Variants in SNX29 observed in about 807,000 individuals in gnomAD.
SNX29 encodes sorting nexin-29.
Under a neutral mutation model 102.1 loss-of-function variants are expected in SNX29, and 78 were observed. That is an observed-to-expected ratio of 0.76 (90% CI 0.64 to 0.92). SNX29 has a LOEUF of 0.92. Ranked by LOEUF, SNX29 falls within the 40% of genes least tolerant of loss-of-function variation. SNX29 has a pLI of 0.00. For missense variants in SNX29, 1,280 were observed against 1,061.7 expected, an observed-to-expected ratio of 1.21 and a Z score of -2.86; for synonymous variants, 580 against 414.5, an observed-to-expected ratio of 1.40 and a Z score of -4.85.
intron 3 of SNX29, among the ~76,000 whole-genome samples, chr16:12,024,318 A>T (rs1028784326): frequency 2.0e-5 from 3 of 151,380 alleles, no homozygotes; most frequent in Non-Finnish European, 4.4e-5. Flanking sequence ...TTATATATAT[A>T]TTTTTTTAGT....
chr16:12,267,728 CT>C (rs1475151091), intron 14 of SNX29, among the ~76,000 whole-genome samples: 2 of 152,204 alleles, frequency 1.3e-5, no homozygotes, highest in Non-Finnish European at 2.9e-5. Context: ...GGCAAGTTAT[CT>C]TTTGGAGGGA....
chr16:12,486,940 A>G (rs911039006), intron 19 of SNX29, among the ~76,000 whole-genome samples: 1 of 152,190 alleles, frequency 6.6e-6, no homozygotes, highest in South Asian at 2.1e-4. Context: ...TTTCAATGTG[A>G]CTTTACCAAC....
intron 20 of SNX29, among the ~76,000 whole-genome samples, chr16:12,566,433 CCA>C (rs1453631485): frequency 7.0e-6 from 1 of 141,900 alleles, no homozygotes; most frequent in Non-Finnish European, 1.5e-5. Context: ...GCCTCTCCCC[CCA>C]AGCTCTGGTC....
intron 20 of SNX29, among the ~76,000 whole-genome samples, chr16:12,542,494 G>C (rs758228529): frequency 1.3e-5 from 2 of 152,272 alleles, no homozygotes; most frequent in Non-Finnish European, 2.9e-5. Context: ...ACCACACCTG[G>C]CTCATTTTTG....
intron 18 of SNX29, among the ~76,000 whole-genome samples, chr16:12,437,029 C>T (rs2085569622): frequency 6.6e-6 from 1 of 152,186 alleles, no homozygotes; most frequent in Non-Finnish European, 1.5e-5. Context: ...TCTCTGAATA[C>T]ATGAAAGGAA....
chr16:12,512,022 C>T (rs1334477849), intron 19 of SNX29, among the ~76,000 whole-genome samples: 1 of 151,816 alleles, frequency 6.6e-6, no homozygotes, highest in African/African-American at 2.4e-5. Context: ...ATGGATACAG[C>T]CGTGAGGAGG....
rs1164415131 is a variant in SNX29, at chr16:12,569,355, G to C, written c.*726G>C. 1 of 230,196 alleles carries C rather than the reference G, an allele frequency of 4.3e-6. No homozygotes were observed. The highest frequency in any genetic ancestry group is 2.2e-5 in the African/African-American group (1 of 45,152). 14.3% of individuals were successfully genotyped at this position (230,196 alleles called of 1,614,324 possible). A position where few individuals can be genotyped will look rare whatever the true frequency, so the allele number is the denominator to read the frequency against. ...CCTGAGGCCACCTAGGCCCTCGCCA[G>C]GCTTGGAGTGGGGGGACTCAGACAT... is the stretch of plus-strand genomic sequence containing the variant. On this transcript the variant is annotated 3_prime_UTR_variant, in exon 21 of 21. Coordinates refer to ENST00000566228, the MANE Select transcript of SNX29 (RefSeq NM_032167.5).
At chr16:12,036,580 T>C (rs1408629000) in intron 4 of SNX29, among the ~76,000 whole-genome samples, 2 of 152,126 alleles carry the variant, frequency 1.3e-5, no homozygotes, top group Admixed American at 1.3e-4. Flanking sequence ...GTGATCCACC[T>C]GCCTCGGCCT....
chr16:12,068,124 G>A (rs138567403), intron 9 of SNX29, among the ~76,000 whole-genome samples: 1 of 152,042 alleles, frequency 6.6e-6, no homozygotes, highest in Admixed American at 6.6e-5. Context: ...CATTATACCC[G>A]GTTTCTGGCC....
intron 20 of SNX29, among the ~76,000 whole-genome samples, chr16:12,545,789 C>G (rs1387993311): frequency 1.3e-5 from 2 of 152,078 alleles, no homozygotes; most frequent in Non-Finnish European, 2.9e-5. Context: ...CCTTTCACCA[C>G]TAGGCATACA....
intron 8 of SNX29, chr16:12,053,039 C>T (rs1240013531): frequency 1.3e-5 from 2 of 152,260 alleles, no homozygotes; most frequent in African/African-American, 2.4e-5. Context: ...ACCTGTAATC[C>T]CAGCACTTTG....
intron 14 of SNX29, among the ~76,000 whole-genome samples, chr16:12,221,971 C>T (rs1351989115): frequency 6.6e-6 from 1 of 152,222 alleles, no homozygotes; most frequent in Non-Finnish European, 1.5e-5. Context: ...GCTCTCCCTT[C>T]TCCCTGCCTT....
At chr16:12,094,780 T>A (rs1053690566) in intron 11 of SNX29, among the ~76,000 whole-genome samples, 8 of 151,758 alleles carry the variant, frequency 5.3e-5, no homozygotes, top group South Asian at 2.1e-4. Flanking sequence ...CATTATCTAG[T>A]CCCAAACGAC....
chr16:12,355,855 A>ATT (rs1567471789), intron 15 of SNX29, among the ~76,000 whole-genome samples: 15 of 122,820 alleles, frequency 1.2e-4, no homozygotes, highest in Admixed American at 3.0e-4. Context: ...AAAAAAAAAA[A>ATT]AAAAAAAAAA....
chr16:12,474,836 G>A (rs1407160078), intron 18 of SNX29, among the ~76,000 whole-genome samples: 1 of 152,120 alleles, frequency 6.6e-6, no homozygotes, highest in East Asian at 1.9e-4. Context: ...AAGGTGCTAG[G>A]GCCTGTAAAA....
At chr16:12,126,225 T>C (rs1225213867) in intron 11 of SNX29, among the ~76,000 whole-genome samples, 1 of 152,254 alleles carries the variant, frequency 6.6e-6, no homozygotes, top group Non-Finnish European at 1.5e-5. Context: ...CAAAGACTTG[T>C]AGTGATACTG....
At chr16:12,363,216 C>T (rs776176747) in intron 16 of SNX29, among the ~76,000 whole-genome samples, 11 of 152,210 alleles carry the variant, frequency 7.2e-5, no homozygotes, top group African/African-American at 1.2e-4. Context: ...CTGCTTTGGT[C>T]GTCATCTCAG....
intron 15 of SNX29, among the ~76,000 whole-genome samples, chr16:12,287,775 C>T (rs1399423505): frequency 1.3e-5 from 2 of 152,208 alleles, no homozygotes; most frequent in African/African-American, 2.4e-5. Flanking sequence ...TGGATCTCTT[C>T]AGTGTCTTTT....
intron 20 of SNX29, among the ~76,000 whole-genome samples, chr16:12,551,192 G>C (rs762360335): frequency 3.3e-5 from 5 of 152,012 alleles, no homozygotes; most frequent in Admixed American, 6.6e-5. Context: ...TCCCCACAGA[G>C]AGCCTTTAGG....
Sources: gnomAD v4.1 joint callset for allele counts (sites outside exome capture counted in the v4.1 genomes callset) on GRCh38, gnomAD v4.1.1 for gene constraint, MANE v1.5 for transcripts, NCBI Gene and HGNC (gene_info 2026-07-23, HGNC 2026-07-21) for gene names.